Variants in RBM10 observed in about 807,000 individuals in gnomAD.
RBM10 encodes RNA binding motif protein 10, also known as RNA-binding protein 10.
RBM10 carries 1 observed loss-of-function variant against 84.9 expected under a neutral mutation model. That is an observed-to-expected ratio of 0.01 (90% CI 0.00 to 0.06). RBM10 has a LOEUF of 0.06. Ranked by LOEUF, RBM10 falls within the 10% of genes least tolerant of loss-of-function variation. The pLI is 1.00. For synonymous variants in RBM10, 326 were observed against 344.5 expected, an observed-to-expected ratio of 0.95 and a Z score of 0.60; for missense variants, 438 against 839.0, an observed-to-expected ratio of 0.52 and a Z score of 5.90.
rs781807488 is a variant in RBM10, at chrX:47,178,016, C to T, written c.664-1087C>T. ...CACAGAAACGCCACCTTCCCTCCCT[C>T]GCCATTCCCGCTGCTCATGCCAATC... On this transcript the variant is annotated intron_variant, in intron 7 of 23. Coordinates refer to ENST00000377604, the MANE Select transcript of RBM10 (RefSeq NM_005676.5). Among the ~76,000 whole-genome samples, 3 of 111,316 alleles carry T rather than the reference C, an allele frequency of 2.7e-5. No individual in the cohort carries two copies. The South Asian group carries it at 1.1e-3, about 42-fold the overall frequency.
chrX:47,162,420 C>A (rs1556767033), intron 2 of RBM10, among the ~76,000 whole-genome samples: 1 of 111,952 alleles, frequency 8.9e-6, no homozygotes, highest in African/African-American at 3.2e-5. Context: ...ATCTTCCTTA[C>A]TAGTGATTAT....
At chrX:47,167,988 A>G (rs1191927464) in intron 2 of RBM10, among the ~76,000 whole-genome samples, 1 of 112,085 alleles carries the variant, frequency 8.9e-6, no homozygotes, top group Admixed American at 9.5e-5. Flanking sequence ...CTTTAGAATA[A>G]TGTTAAGAAT....
In RBM10 at chrX:47,178,529, C is replaced by T. The variant is rs573460591; in HGVS notation, c.664-574C>T. On this transcript the variant is annotated intron_variant, in intron 7 of 23. Coordinates refer to ENST00000377604, the MANE Select transcript of RBM10 (RefSeq NM_005676.5). ...ATGAGGGCAGAGACCATGTTCTGGC[C>T]ATGTGCAGCAGGGCCTGGCCCAGGA... Among the ~76,000 whole-genome samples, 4 of 112,270 alleles carry T rather than the reference C, an allele frequency of 3.6e-5. No individual in the cohort carries two copies. The East Asian group carries it at 1.1e-3, about 31-fold the overall frequency.
At chrX:47,182,432 G>A (rs1176619140) in intron 17 of RBM10, 106 bp downstream of exon 17, 2 of 1,069,180 alleles carry the variant, frequency 1.9e-6, no homozygotes, top group South Asian at 2.0e-5. Flanking sequence ...GCGGGCAGGT[G>A]TGGATGTGGG....
chrX:47,170,221 C>T (rs1934542913), intron 3 of RBM10, among the ~76,000 whole-genome samples: 1 of 113,451 alleles, frequency 8.8e-6, no homozygotes, highest in Non-Finnish European at 1.9e-5. Flanking sequence ...TCTGGAGGGT[C>T]CAGGGCAAAA....
rs782335327 is a variant in RBM10, at chrX:47,178,408, C to T, written c.664-695C>T. 2.7e-5 allele frequency among the ~76,000 whole-genome samples: 3 copies of T among 111,546 alleles called. No homozygotes were observed. In the South Asian group the frequency reaches 1.1e-3, roughly 42 times the overall value. ...TCCCTGCCGAGTAAATGGCACCCCACCCCCAGCCCATTTCCCTCCCCGAGC... is the reference window on the plus strand; with the variant it reads ...TCCCTGCCGAGTAAATGGCACCCCATCCCCAGCCCATTTCCCTCCCCGAGC... On this transcript the variant is annotated intron_variant, in intron 7 of 23. Coordinates refer to ENST00000377604, the MANE Select transcript of RBM10 (RefSeq NM_005676.5).
At chrX:47,171,546 T>C (rs1348481519) in intron 4 of RBM10, among the ~76,000 whole-genome samples, 1 of 112,580 alleles carries the variant, frequency 8.9e-6, no homozygotes, top group Non-Finnish European at 1.9e-5. Context: ...ATTCCACTGG[T>C]CATCCAGCCA....
At chrX:47,182,385 C>T (rs2147201166) in intron 17 of RBM10, 59 bp downstream of exon 17, 2 of 1,164,332 alleles carry the variant, frequency 1.7e-6, no homozygotes, top group Non-Finnish European at 2.3e-6. Context: ...AGCAACGGCA[C>T]TCTGTCAGCT....
chrX:47,185,877 G>C, intron 21 of RBM10, 87 bp downstream of exon 21: 1 of 1,180,284 alleles, frequency 8.5e-7, no homozygotes, highest in Non-Finnish European at 1.1e-6. Context: ...AATTTCTCAC[G>C]TGTTAACCCC....
chrX:47,161,514 T>A (rs972766735), intron 2 of RBM10, among the ~76,000 whole-genome samples: 1 of 19,164 alleles, frequency 5.2e-5, no homozygotes, highest in African/African-American at 2.1e-4. Context: ...AACTCATTAG[T>A]TTTTTTTTTT....
intron 2 of RBM10, chrX:47,156,977 G>A (rs1933202461): frequency 7.4e-6 from 2 of 269,729 alleles, no homozygotes; most frequent in Admixed American, 4.2e-5. Flanking sequence ...TCACACCCTC[G>A]TAGGCTGGGA....
chrX:47,145,607 C>T, intron 1 of RBM10, 122 bp downstream of exon 1: 1 of 305,451 alleles, frequency 3.3e-6, no homozygotes, highest in Non-Finnish European at 4.9e-6. Context: ...GGTGCAATGT[C>T]TCAACCCGGG....
intron 1 of RBM10, among the ~76,000 whole-genome samples, chrX:47,146,685 T>G (rs1490245489): frequency 9.0e-6 from 1 of 110,837 alleles, no homozygotes; most frequent in Non-Finnish European, 1.9e-5. Flanking sequence ...GCTTGAGCCC[T>G]GGGGAGGGAA....
chrX:47,176,332 G>A (rs1322993373), intron 6 of RBM10, among the ~76,000 whole-genome samples, 168 bp from the exon 7 acceptor site: 2 of 111,871 alleles, frequency 1.8e-5, no homozygotes, highest in Non-Finnish European at 3.8e-5. Flanking sequence ...GAGCTGTGGC[G>A]CTTTCCCTCC....
chrX:47,158,790 C>T (rs782276880), intron 2 of RBM10, among the ~76,000 whole-genome samples: 4 of 112,266 alleles, frequency 3.6e-5, no homozygotes, highest in South Asian at 3.7e-4. Flanking sequence ...GCTTAGTTCC[C>T]GACAGATGGT....
intron 1 of RBM10, 41 bp downstream of exon 1, chrX:47,145,526 C>T: frequency 1.7e-6 from 2 of 1,145,036 alleles, no homozygotes; most frequent in Non-Finnish European, 2.3e-6. Context: ...GGTAAGGGGC[C>T]CGGGGCGGGG....
In RBM10 at chrX:47,180,226, G is replaced by T. The variant is rs1482348753; in HGVS notation, c.1077G>T (p.Leu359=). 2 of 1,200,879 alleles carry T rather than the reference G, an allele frequency of 1.7e-6. No homozygotes were observed. The highest frequency in any genetic ancestry group is 1.1e-6 in the Non-Finnish European group (1 of 889,995). ...TCCTCCCACAGGAGGCAGCCCAGCT[G>T]CTGCAGATCCTGCAGGCCCTGCACC... is the stretch of plus-strand genomic sequence containing the variant. The part of the protein sequence containing the change: ...QLSTIVEAAQ[L]LQILQALHPP... The change falls in exon 11 of 24, where the codon CTG becomes CTT. Residue 359 remains leucine (L), a synonymous_variant. Coordinates refer to ENST00000377604, the MANE Select transcript of RBM10 (RefSeq NM_005676.5).
intron 2 of RBM10, chrX:47,157,096 G>A (rs1008560484): frequency 8.3e-5 from 22 of 264,334 alleles, no homozygotes; most frequent in Non-Finnish European, 1.3e-4. Flanking sequence ...GGGAGTTCCC[G>A]GATGACCTCT....
intron 2 of RBM10, among the ~76,000 whole-genome samples, chrX:47,151,796 T>C (rs1363164778): frequency 8.9e-6 from 1 of 112,544 alleles, no homozygotes; most frequent in South Asian, 3.6e-4. Context: ...TTAAGTATGG[T>C]GCATGCAGTA....
Sources: allele counts gnomAD v4.1 joint callset (sites outside exome capture counted in the v4.1 genomes callset), GRCh38; gene constraint gnomAD v4.1.1; transcripts MANE v1.5; gene names NCBI Gene and HGNC (gene_info 2026-07-23, HGNC 2026-07-21).